MAP7: variants seen among roughly 807,000 people sequenced by gnomAD.
MAP7 encodes microtubule associated protein 7.
In MAP7, 52 loss-of-function variants were observed where a neutral mutation model predicts 94.8. That is an observed-to-expected ratio of 0.55 (90% CI 0.44 to 0.69). The LOEUF is 0.69. Among genes scored for constraint, MAP7 ranks in the 30% least tolerant of loss-of-function variants. The pLI is 0.00. For synonymous variants in MAP7, 350 were observed against 357.0 expected (o/e 0.98, Z 0.22); for missense variants, 940 against 964.6 (o/e 0.97, Z 0.34).
intron 1 of MAP7, among the ~76,000 whole-genome samples, chr6:136,505,787 A>G (rs2129018034): frequency 6.6e-6 from 1 of 152,252 alleles, no homozygotes; most frequent in Admixed American, 6.5e-5. Context: ...TGAAAAAAAT[A>G]AAAATCTAAT....
intron 1 of MAP7, among the ~76,000 whole-genome samples, chr6:136,546,169 C>T (rs1212834741): frequency 6.6e-6 from 1 of 152,116 alleles, no homozygotes; most frequent in Non-Finnish European, 1.5e-5. Context: ...TGCGCCACCA[C>T]ACCAGGCTAA....
intron 1 of MAP7, among the ~76,000 whole-genome samples, chr6:136,532,137 C>T (rs150582940): frequency 5.8e-4 from 88 of 152,232 alleles, no homozygotes; most frequent in African/African-American, 2.0e-3. Flanking sequence ...AGAAACAAAG[C>T]GAGCACTTGG....
At chr6:136,434,443 T>C (rs77073637) in intron 1 of MAP7, among the ~76,000 whole-genome samples, 8,158 of 152,064 alleles carry the variant, frequency 0.054, 484 homozygotes, top group African/African-American at 0.14. Flanking sequence ...AGCAAGGGCT[T>C]TGGTATGCTT....
intron 3 of MAP7, among the ~76,000 whole-genome samples, chr6:136,401,630 G>A (rs956071197): frequency 7.9e-5 from 12 of 152,032 alleles, no homozygotes; most frequent in Non-Finnish European, 1.6e-4. Flanking sequence ...TGGGCCTGTC[G>A]TGGGGTGGGA....
At chr6:136,358,739 CTTTTCAT>C (rs1791682303) in intron 15 of MAP7, among the ~76,000 whole-genome samples, 1 of 152,194 alleles carries the variant, frequency 6.6e-6, no homozygotes, top group South Asian at 2.1e-4. Flanking sequence ...CTGGTCTTTT[CTTTTCAT>C]ATTGATATCA....
At chr6:136,405,609 G>A (rs764567623) in intron 3 of MAP7, among the ~76,000 whole-genome samples, 8 of 152,238 alleles carry the variant, frequency 5.3e-5, no homozygotes, top group Non-Finnish European at 1.0e-4. Context: ...GAAATGTAAA[G>A]ACTTGAAAGG....
chr6:136,346,004 G>A lies in MAP7; in HGVS notation c.2091C>T (p.Asn697=). The A allele has an allele frequency of 1.9e-6, 3 of 1,613,554 alleles. No individual in the cohort carries two copies. Among genetic ancestry groups the A allele is most frequent in the Non-Finnish European group, 2.5e-6 (3 of 1,179,508 alleles). The change falls in exon 17 of 18, where the codon AAC becomes AAT. Residue 697 remains asparagine (N), a synonymous_variant. Coordinates refer to ENST00000354570, the MANE Select transcript of MAP7 (RefSeq NM_003980.6). ...VQNENFEEII[N]LPIGSKPSRL... ...TGGATGGTTTAGATCCAATGGGTAA[G>A]TTTATAATTTCTTCAAAATTTTCAT...
intron 1 of MAP7, among the ~76,000 whole-genome samples, chr6:136,485,649 G>A (rs1814450750): frequency 7.5e-6 from 1 of 133,274 alleles, no homozygotes; most frequent in African/African-American, 2.8e-5. Flanking sequence ...TGCAAGCTCC[G>A]CCTCCCGGGT....
intron 6 of MAP7, among the ~76,000 whole-genome samples, chr6:136,383,443 C>T (rs1364111410): frequency 1.3e-5 from 2 of 152,234 alleles, no homozygotes; most frequent in African/African-American, 2.4e-5. Context: ...GCACCGCTTT[C>T]GTCACTGCTA....
chr6:136,472,445 A>T lies in MAP7; in HGVS notation c.68-50646T>A, dbSNP rs541270136. Reference sequence around the variant, plus strand: ...ATGGGGCTAAAATACCTATGTTATCATAGGGAACAAAAACACATTATCCAT... The same window carrying T: ...ATGGGGCTAAAATACCTATGTTATCTTAGGGAACAAAAACACATTATCCAT... On this transcript the variant is annotated intron_variant, in intron 1 of 17. Coordinates refer to ENST00000354570, the MANE Select transcript of MAP7 (RefSeq NM_003980.6). 3.6e-3 allele frequency among the ~76,000 whole-genome samples: 547 copies of T among 152,360 alleles called. 1 individual carries two copies. Among genetic ancestry groups the T allele is most frequent in the Admixed American group, 5.4e-3 (82 of 15,302 alleles).
intron 1 of MAP7, among the ~76,000 whole-genome samples, chr6:136,469,992 C>T (rs1435819018): frequency 6.6e-6 from 1 of 152,150 alleles, no homozygotes; most frequent in Non-Finnish European, 1.5e-5. Context: ...CTGCTTTCTT[C>T]AGAGTCGTTC....
chr6:136,362,759 C>G, intron 10 of MAP7, 57 bp from the exon 11 acceptor site: 1 of 1,506,966 alleles, frequency 6.6e-7, no homozygotes. Context: ...AAGAACAAAA[C>G]CAAAACTAGC....
intron 1 of MAP7, among the ~76,000 whole-genome samples, chr6:136,430,884 A>T (rs2128806268): frequency 6.6e-6 from 1 of 152,238 alleles, no homozygotes; most frequent in South Asian, 2.1e-4. Context: ...ACAGAGTTTC[A>T]TATGCTGTTG....
At chr6:136,521,007 C>A (rs1416436592) in intron 1 of MAP7, among the ~76,000 whole-genome samples, 1 of 152,154 alleles carries the variant, frequency 6.6e-6, no homozygotes, top group Non-Finnish European at 1.5e-5. Context: ...ATGTAGATAA[C>A]TGAGGCAGGC....
At chr6:136,356,085 A>C (rs1562303866) in intron 16 of MAP7, among the ~76,000 whole-genome samples, 1 of 152,244 alleles carries the variant, frequency 6.6e-6, no homozygotes, top group Non-Finnish European at 1.5e-5. Flanking sequence ...CTAAAATGCA[A>C]TTGTTATATA....
intron 5 of MAP7, 129 bp downstream of exon 5, chr6:136,388,264 T>C: frequency 2.7e-6 from 2 of 735,418 alleles, no homozygotes; most frequent in Admixed American, 2.3e-5. Flanking sequence ...TAGTGAAAGA[T>C]TCATTTCATT....
At chr6:136,352,993 A>G (rs753532881) in intron 16 of MAP7, among the ~76,000 whole-genome samples, 11 of 152,248 alleles carry the variant, frequency 7.2e-5, no homozygotes, top group Non-Finnish European at 1.2e-4. Flanking sequence ...AGGGAAGCAG[A>G]ATTTCTTAGG....
chr6:136,351,022 G>A, intron 16 of MAP7, among the ~76,000 whole-genome samples: 1 of 152,042 alleles, frequency 6.6e-6, no homozygotes, highest in East Asian at 1.9e-4. Context: ...GTTTATTCTT[G>A]GAAATGCAAG....
chr6:136,409,797 C>G (rs980228648), intron 3 of MAP7, among the ~76,000 whole-genome samples: 3 of 152,206 alleles, frequency 2.0e-5, no homozygotes, highest in Non-Finnish European at 4.4e-5. Flanking sequence ...CCCTAGAGGG[C>G]TGGGTGTCAA....
Sources: allele counts gnomAD v4.1 joint callset (sites outside exome capture counted in the v4.1 genomes callset), GRCh38; gene constraint gnomAD v4.1.1; transcripts MANE v1.5; gene names NCBI Gene and HGNC (gene_info 2026-07-23, HGNC 2026-07-21).